The following KIF26B variants were observed in gnomAD, a reference collection of about 807,000 sequenced individuals.
KIF26B encodes kinesin family member 26B.
A neutral mutation model predicts 151.2 loss-of-function variants in KIF26B; 63 were observed. The ratio of observed to expected loss-of-function variants is 0.42; its 90% CI spans 0.34 to 0.51. The LOEUF is 0.51. Among genes scored for constraint, KIF26B ranks in the 20% least tolerant of loss-of-function variants. KIF26B has a pLI of 0.07. For missense variants in KIF26B, 2,813 were observed against 2,913.6 expected (o/e 0.97, Z 0.79); for synonymous variants, 1,357 against 1,262.1 (o/e 1.08, Z -1.59).
At chr1:245,362,492 C>T (rs561792937) in intron 2 of KIF26B, among the ~76,000 whole-genome samples, 2 of 150,854 alleles carry the variant, frequency 1.3e-5, no homozygotes, top group East Asian at 3.9e-4. Flanking sequence ...GAGCCGAGAT[C>T]GCACCACTGC....
At chr1:245,392,109 C>T (rs56916441) in intron 3 of KIF26B, among the ~76,000 whole-genome samples, 35,152 of 151,260 alleles carry the variant, frequency 0.23, 6,329 homozygotes, top group African/African-American at 0.5. Flanking sequence ...GAAGAGCTCT[C>T]TGGGGCTCTC....
intron 2 of KIF26B, among the ~76,000 whole-genome samples, chr1:245,160,709 T>A (rs1299339582): frequency 6.6e-6 from 1 of 151,578 alleles, no homozygotes; most frequent in Non-Finnish European, 1.5e-5. Flanking sequence ...CAGTCAGATA[T>A]TCTGAGTCCA....
chr1:245,436,301 C>A (rs562901086), intron 4 of KIF26B, among the ~76,000 whole-genome samples: 32 of 152,318 alleles, frequency 2.1e-4, no homozygotes, highest in African/African-American at 7.7e-4. Context: ...AGTCTCCTAC[C>A]TCTGCTACCT....
chr1:245,274,154 T>C (rs1670899570), intron 2 of KIF26B, among the ~76,000 whole-genome samples: 1 of 152,250 alleles, frequency 6.6e-6, no homozygotes, highest in East Asian at 1.9e-4. Context: ...CACTTTGTTA[T>C]TGATGTCACA....
intron 2 of KIF26B, among the ~76,000 whole-genome samples, chr1:245,277,247 C>T (rs1670956268): frequency 6.6e-6 from 1 of 152,186 alleles, no homozygotes; most frequent in Non-Finnish European, 1.5e-5. Flanking sequence ...TTTGTTACAG[C>T]AGCCCCAGGG....
At chr1:245,388,945 G>A (rs538767564) in intron 3 of KIF26B, among the ~76,000 whole-genome samples, 2 of 152,296 alleles carry the variant, frequency 1.3e-5, no homozygotes, top group Non-Finnish European at 2.9e-5. Context: ...AGACAGCAGC[G>A]TCCCTGATGT....
At chr1:245,624,176 T>A (rs2043696774) in intron 9 of KIF26B, among the ~76,000 whole-genome samples, 1 of 152,126 alleles carries the variant, frequency 6.6e-6, no homozygotes, top group Non-Finnish European at 1.5e-5. Flanking sequence ...GGTAGTTATT[T>A]ATAGCAGTAT....
At chr1:245,322,693 A>G (rs1671913724) in intron 2 of KIF26B, among the ~76,000 whole-genome samples, 3 of 152,340 alleles carry the variant, frequency 2.0e-5, no homozygotes, top group Middle Eastern at 3.4e-3. Flanking sequence ...GTGGTTGTTT[A>G]TAATTATTAA....
intron 2 of KIF26B, among the ~76,000 whole-genome samples, chr1:245,278,451 G>A (rs1156862076): frequency 6.6e-6 from 1 of 151,854 alleles, no homozygotes; most frequent in Non-Finnish European, 1.5e-5. Flanking sequence ...CAGAATTTCC[G>A]GCCTAAATCG....
intron 3 of KIF26B, among the ~76,000 whole-genome samples, chr1:245,373,951 A>C (rs2103013997): frequency 6.8e-6 from 1 of 147,866 alleles, no homozygotes; most frequent in Admixed American, 6.8e-5. Flanking sequence ...CCAGCTACTC[A>C]GGAGGGTGAG....
intron 9 of KIF26B, among the ~76,000 whole-genome samples, chr1:245,636,612 A>G (rs1188723411): frequency 1.3e-5 from 2 of 151,876 alleles, no homozygotes; most frequent in African/African-American, 4.8e-5. Context: ...ATCTAACTGT[A>G]TGTTTGTACC....
Position 245,199,628 on chromosome 1 carries a change from G to A in KIF26B, c.465+42945G>A, listed in dbSNP as rs182154768. 3.4e-3 allele frequency among the ~76,000 whole-genome samples: 514 copies of A among 152,076 alleles called. 3 individuals are homozygous for A. Among genetic ancestry groups the A allele is most frequent in the African/African-American group, 0.011 (452 of 41,478 alleles). ...CAAGCAGCTGTGATTACAGGCATGC[G>A]CCACCATGCCCGGCCAATTCCTTTG... On this transcript the variant is annotated intron_variant, in intron 2 of 14. Coordinates refer to ENST00000407071, the MANE Select transcript of KIF26B (RefSeq NM_018012.4).
intron 4 of KIF26B, among the ~76,000 whole-genome samples, chr1:245,482,828 T>G (rs1660196025): frequency 6.6e-6 from 1 of 151,758 alleles, no homozygotes; most frequent in Non-Finnish European, 1.5e-5. Flanking sequence ...GAGTTTCCAG[T>G]TGTAAGAAGC....
At chr1:245,477,533 G>A (rs1264029308) in intron 4 of KIF26B, among the ~76,000 whole-genome samples, 1 of 151,846 alleles carries the variant, frequency 6.6e-6, no homozygotes, top group African/African-American at 2.4e-5. Context: ...GCGCAGGTAC[G>A]GAAGTGGAAT....
chr1:245,267,384 G>A (rs1015780785), intron 2 of KIF26B, among the ~76,000 whole-genome samples: 2 of 152,168 alleles, frequency 1.3e-5, no homozygotes, highest in African/African-American at 4.8e-5. Flanking sequence ...CCAGCATTGC[G>A]AAGTACACCG....
chr1:245,512,295 C>T lies in KIF26B; in HGVS notation c.1167-28472C>T, dbSNP rs576197765. Reference sequence around the variant, plus strand: ...CCTGTCCACCCTGCCTGTTTCCCAGCCCCCATCCTTCTCTCTGAGTCTTGG... The same window carrying T: ...CCTGTCCACCCTGCCTGTTTCCCAGTCCCCATCCTTCTCTCTGAGTCTTGG... On this transcript the variant is annotated intron_variant, in intron 4 of 14. Coordinates refer to ENST00000407071, the MANE Select transcript of KIF26B (RefSeq NM_018012.4). This position sits in a 1 kb window ranked among gnomAD's most constrained non-coding sequence, Gnocchi z 4.3. 1.3e-5 allele frequency among the ~76,000 whole-genome samples: 2 copies of T among 152,272 alleles called. No individual in the cohort carries two copies. Among genetic ancestry groups the T allele is most frequent in the African/African-American group, 4.8e-5 (2 of 41,546 alleles).
chr1:245,569,437 G>T (rs990428106), intron 5 of KIF26B, among the ~76,000 whole-genome samples: 1 of 151,938 alleles, frequency 6.6e-6, no homozygotes, highest in Non-Finnish European at 1.5e-5. Flanking sequence ...GCAGAAACTT[G>T]TCTCTACAAA....
At chr1:245,302,450 A>C (rs999606186) in intron 2 of KIF26B, among the ~76,000 whole-genome samples, 4 of 152,210 alleles carry the variant, frequency 2.6e-5, no homozygotes, top group African/African-American at 9.6e-5. Flanking sequence ...ATCCAGTTTT[A>C]TGCAACCAAA....
chr1:245,485,055 A>T (rs1660251283), intron 4 of KIF26B, among the ~76,000 whole-genome samples: 1 of 152,218 alleles, frequency 6.6e-6, no homozygotes, highest in African/African-American at 2.4e-5. Flanking sequence ...AAGGAATGTC[A>T]TTCTGACACA....
Sources: gnomAD v4.1 joint callset for allele counts (sites outside exome capture counted in the v4.1 genomes callset) on GRCh38, gnomAD v4.1.1 for gene constraint, Gnocchi (gnomAD v3.1) non-coding constraint, MANE v1.5 for transcripts, NCBI Gene and HGNC (gene_info 2026-07-23, HGNC 2026-07-21) for gene names.